The following TENM2 variants were observed in gnomAD, a reference collection of about 807,000 sequenced individuals.
The protein encoded by TENM2 is teneurin transmembrane protein 2, also known as teneurin-2.
TENM2 carries 52 observed loss-of-function variants against 245.2 expected under a neutral mutation model. That is an observed-to-expected ratio of 0.21 (90% confidence interval 0.17 to 0.27). The LOEUF is 0.27. Among genes scored for constraint, TENM2 ranks in the 10% least tolerant of loss-of-function variants. The probability of loss-of-function intolerance (pLI) is 1.00; values close to 1 mark genes in which losing one functional copy is unlikely to be tolerated. For synonymous variants in TENM2, 1,363 were observed against 1,438.9 expected (o/e 0.95, Z 1.19); for missense variants, 3,046 against 3,666.8 (o/e 0.83, Z 4.37).
chr5:167,102,483 G>A, the TENM2 span, among the ~76,000 whole-genome samples: 3 of 152,122 alleles, frequency 2.0e-5, no homozygotes, highest in Admixed American at 2.0e-4. Flanking sequence ...AAAGCACAGG[G>A]AGCTGAAATA....
At chr5:167,149,988 A>G in the TENM2 span, among the ~76,000 whole-genome samples, 1 of 152,312 alleles carries the variant, frequency 6.6e-6, no homozygotes, top group Non-Finnish European at 1.5e-5. Flanking sequence ...AAAAGATAAA[A>G]GGAAGGAAGG....
intron 3 of TENM2, among the ~76,000 whole-genome samples, chr5:167,901,011 AT>A (rs1263240624): frequency 6.8e-6 from 1 of 147,128 alleles, no homozygotes; most frequent in Non-Finnish European, 1.5e-5. Context: ...AATTCCTTGA[AT>A]TTTTTTTCAT....
intron 7 of TENM2, among the ~76,000 whole-genome samples, chr5:168,063,547 C>A (rs1041808821): frequency 1.3e-5 from 2 of 152,146 alleles, no homozygotes; most frequent in Non-Finnish European, 2.9e-5. Context: ...TATATCCAGT[C>A]AAAGCTGACT....
intron 2 of TENM2, among the ~76,000 whole-genome samples, chr5:167,767,953 A>G (rs1763147080): frequency 6.6e-6 from 1 of 152,078 alleles, no homozygotes; most frequent in Middle Eastern, 3.2e-3. Flanking sequence ...TGCTGTTGAC[A>G]TGTGAATATT....
At chr5:167,010,500 G>A in the TENM2 span, among the ~76,000 whole-genome samples, 2 of 152,194 alleles carry the variant, frequency 1.3e-5, no homozygotes, top group Non-Finnish European at 2.9e-5. Context: ...GAACAAGGAT[G>A]GCAGTGCTAG....
At chr5:167,394,643 G>A (rs1761953527) in intron 2 of TENM2, among the ~76,000 whole-genome samples, 1 of 152,064 alleles carries the variant, frequency 6.6e-6, no homozygotes. Flanking sequence ...ACCCAGGCTG[G>A]AGCGCAGTGG....
intron 3 of TENM2, among the ~76,000 whole-genome samples, chr5:167,935,627 G>A (rs1262662401): frequency 1.3e-5 from 2 of 152,114 alleles, no homozygotes; most frequent in East Asian, 3.9e-4. Context: ...TGGAGGTGGT[G>A]AAGGAGAGAA....
intron 13 of TENM2, chr5:168,185,315 A>G (rs1760289762): frequency 6.6e-6 from 1 of 152,186 alleles, no homozygotes; most frequent in Non-Finnish European, 1.5e-5. Flanking sequence ...TGCATCCTCT[A>G]TAGGTGGGTA....
At chr5:168,226,930 A>C (rs951004347) in intron 24 of TENM2, among the ~76,000 whole-genome samples, 1 of 152,216 alleles carries the variant, frequency 6.6e-6, no homozygotes, top group Non-Finnish European at 1.5e-5. Context: ...GTGTCCTCTC[A>C]GTAGATAAAT....
intron 1 of TENM2, among the ~76,000 whole-genome samples, chr5:167,358,776 A>G (rs943287013): frequency 6.7e-5 from 10 of 150,328 alleles, no homozygotes; most frequent in African/African-American, 2.0e-4. Context: ...AGTAAACTCA[A>G]CATCTCGAAG....
intron 1 of TENM2, among the ~76,000 whole-genome samples, chr5:167,319,813 A>C (rs1252467517): frequency 6.6e-6 from 1 of 152,222 alleles, no homozygotes; most frequent in Non-Finnish European, 1.5e-5. Context: ...CCTACCTAGA[A>C]CCTATTAAAT....
intron 2 of TENM2, among the ~76,000 whole-genome samples, chr5:167,617,088 C>T (rs574982153): frequency 1.3e-5 from 2 of 152,280 alleles, no homozygotes; most frequent in South Asian, 2.1e-4. Flanking sequence ...GTGTTGGAAA[C>T]TATGGTGCTT....
chr5:167,622,186 A>G (rs1778217550), intron 2 of TENM2, among the ~76,000 whole-genome samples: 1 of 152,132 alleles, frequency 6.6e-6, no homozygotes. Context: ...TATTTGGTTT[A>G]TTTGATTTTA....
chr5:167,225,407 A>C, the TENM2 span, among the ~76,000 whole-genome samples: 1 of 152,078 alleles, frequency 6.6e-6, no homozygotes, highest in African/African-American at 2.4e-5. Flanking sequence ...CTTTTTCTGC[A>C]GCTGTTGAGA....
chr5:168,124,503 CT>C (rs1301450830), intron 10 of TENM2, among the ~76,000 whole-genome samples: 1 of 152,180 alleles, frequency 6.6e-6, no homozygotes, highest in Non-Finnish European at 1.5e-5. Context: ...CGCAGATGCT[CT>C]GATATGATTC....
chr5:168,167,260 C>T (rs1013017), intron 13 of TENM2, among the ~76,000 whole-genome samples: 12,833 of 151,982 alleles, frequency 0.084, 707 homozygotes, highest in South Asian at 0.14. Context: ...TTTAGTTCAT[C>T]ACAGCCAGGG....
chr5:167,448,998 G>T lies in TENM2; in HGVS notation c.502+73525G>T, dbSNP rs979243974. 5.9e-5 allele frequency among the ~76,000 whole-genome samples: 9 copies of T among 151,882 alleles called. No homozygotes were observed. In the South Asian group the frequency reaches 1.0e-3, roughly 18 times the overall value. On this transcript the variant is annotated intron_variant, in intron 2 of 28. Coordinates refer to ENST00000518659, the Ensembl canonical transcript of TENM2. ...TTTAACCTATAAAGGAATTTTAGTT[G>T]TGCCTTCTTATCTCTGTGATAAGGC...
At chr5:167,513,577 A>G (rs991529905) in intron 2 of TENM2, among the ~76,000 whole-genome samples, 3 of 152,106 alleles carry the variant, frequency 2.0e-5, no homozygotes, top group African/African-American at 7.2e-5. Context: ...TTTGGTATAC[A>G]TGCCATTTGC....
chr5:167,356,644 CTGTT>C (rs1356722500), intron 1 of TENM2, among the ~76,000 whole-genome samples: 2 of 152,164 alleles, frequency 1.3e-5, no homozygotes, highest in Non-Finnish European at 2.9e-5. Context: ...GGGGAGTACA[CTGTT>C]TGTGCATTCC....
Sources: allele counts gnomAD v4.1 joint callset (sites outside exome capture counted in the v4.1 genomes callset), GRCh38; gene constraint gnomAD v4.1.1; transcripts MANE v1.5; gene names NCBI Gene and HGNC (gene_info 2026-07-23, HGNC 2026-07-21).